RP2: variants seen among roughly 807,000 people sequenced by gnomAD.
The protein encoded by RP2 is protein XRP2.
Under a neutral mutation model 20.3 loss-of-function variants are expected in RP2, and 3 were observed. That is an observed-to-expected ratio of 0.15 (90% CI 0.07 to 0.38). The LOEUF is 0.38. Ranked by LOEUF, RP2 falls within the 10% of genes least tolerant of loss-of-function variation. RP2 has a pLI of 1.00. For synonymous variants in RP2, 75 were observed against 94.8 expected (o/e 0.79, Z 1.22); for missense variants, 233 against 268.5 (o/e 0.87, Z 0.92).
intron 3 of RP2, among the ~76,000 whole-genome samples, chrX:46,865,229 A>G (rs145989524): frequency 0.03 from 3,381 of 112,059 alleles, 53 homozygotes; most frequent in Non-Finnish European, 0.045. Context: ...CCAAGATCCC[A>G]CATTGCTTTT....
chrX:46,859,860 G>A (rs1925033766), intron 2 of RP2, 128 bp from the exon 3 acceptor site: 1 of 517,315 alleles, frequency 1.9e-6, no homozygotes, highest in South Asian at 2.8e-5. Flanking sequence ...CCCTGAATTA[G>A]ACTTATAATT....
At chrX:46,872,930 G>A (rs1282734163) in intron 3 of RP2, among the ~76,000 whole-genome samples, 1 of 110,511 alleles carries the variant, frequency 9.0e-6, no homozygotes, top group African/African-American at 3.3e-5. Context: ...GTAGAGATGG[G>A]GCTTTGCCAT....
At chrX:46,859,261 T>C (rs182360799) in intron 2 of RP2, among the ~76,000 whole-genome samples, 1 of 110,848 alleles carries the variant, frequency 9.0e-6, no homozygotes, top group East Asian at 2.8e-4. Context: ...GGCAGGAGGA[T>C]GGCTTGAGCC....
intron 1 of RP2, among the ~76,000 whole-genome samples, chrX:46,846,315 C>G (rs1375460774): frequency 2.7e-5 from 3 of 111,535 alleles, no homozygotes; most frequent in African/African-American, 9.8e-5. Flanking sequence ...ACTGCCAGGT[C>G]AGTGGCTCAC....
At chrX:46,838,408 A>G (rs1375811731) in intron 1 of RP2, among the ~76,000 whole-genome samples, 3 of 112,297 alleles carry the variant, frequency 2.7e-5, no homozygotes, top group African/African-American at 9.7e-5. Context: ...GGAAGAAAGT[A>G]CTATGCTTTC....
At chrX:46,871,140 G>A (rs12854748) in intron 3 of RP2, among the ~76,000 whole-genome samples, 2 of 102,927 alleles carry the variant, frequency 1.9e-5, no homozygotes, top group African/African-American at 7.2e-5. Flanking sequence ...TCCTGCCTCA[G>A]CCTCCCGAGT....
intron 1 of RP2, among the ~76,000 whole-genome samples, chrX:46,846,562 G>A (rs1924718348): frequency 9.1e-6 from 1 of 110,346 alleles, no homozygotes; most frequent in Non-Finnish European, 1.9e-5. Flanking sequence ...ACTCCAGTGT[G>A]GGCAACAGAG....
intron 3 of RP2, among the ~76,000 whole-genome samples, chrX:46,869,525 G>T (rs1277460973): frequency 9.7e-6 from 1 of 103,609 alleles, no homozygotes; most frequent in African/African-American, 3.6e-5. Context: ...TCGGTGATCC[G>T]CCCACCTCGG....
In RP2 at chrX:46,837,150, C is replaced by G. The variant is rs782387061; in HGVS notation, c.50C>G (p.Pro17Arg). The G allele has an allele frequency of 1.7e-6, 2 of 1,169,544 alleles. No homozygotes were observed. Among genetic ancestry groups the G allele is most frequent in the Non-Finnish European group, 2.3e-6 (2 of 874,803 alleles). ...CGGAAGGCTGACAAGGAGTCGCGGC[C>G]CGAGAACGAGGAGGAGCGGCCAAAG... ...KRRKADKESR[P>R]ENEEERPKQY... Residue 17 changes from proline (P) to arginine (R), a missense_variant, in exon 1 of 5, where the codon CCC becomes CGC. By Grantham distance (103) the Pro-to-Arg change is moderately radical. This residue lies in a region of RP2 where 77 missense variants were observed against 71.8 expected (regional missense o/e 1.07). Coordinates refer to ENST00000218340, the MANE Select transcript of RP2 (RefSeq NM_006915.3).
Position 46,880,735 on chromosome X carries a change from T to C in RP2, c.*966T>C, listed in dbSNP as rs894308035. ...AATGTTCAAGTATGATAAAATTATTTTGGTTGCTTTAAAGCACTGTTTCCC... is the reference window on the plus strand; with the variant it reads ...AATGTTCAAGTATGATAAAATTATTCTGGTTGCTTTAAAGCACTGTTTCCC... On this transcript the variant is annotated 3_prime_UTR_variant, in exon 5 of 5. Coordinates refer to ENST00000218340, the MANE Select transcript of RP2 (RefSeq NM_006915.3). 1 of 112,193 alleles carries C rather than the reference T, an allele frequency of 8.9e-6. No individual in the cohort carries two copies. The highest frequency in any genetic ancestry group is 9.5e-5 in the Admixed American group (1 of 10,512). The allele number at this position is 112,193 out of a possible 1,213,427, so 9.2% of individuals were successfully genotyped here.
At chrX:46,849,310 C>T (rs782688891) in intron 1 of RP2, among the ~76,000 whole-genome samples, 1 of 110,462 alleles carries the variant, frequency 9.1e-6, no homozygotes, top group South Asian at 3.9e-4. Flanking sequence ...CCTGCCTCAG[C>T]CTTCTGAGTA....
intron 3 of RP2, among the ~76,000 whole-genome samples, chrX:46,875,441 A>AG (rs1925360875): frequency 1.8e-5 from 2 of 110,911 alleles, no homozygotes; most frequent in Admixed American, 1.9e-4. Flanking sequence ...ATAAATAAAG[A>AG]GAAAAATAAG....
rs1556328624 is a variant in RP2, at chrX:46,880,915, G to A, written c.*1146G>A. ...GTTGTAATCTAAAGTAATTGGTTCA[G>A]GAGGTGTCAATAGGTTGAACTTGTG... On this transcript the variant is annotated 3_prime_UTR_variant, in exon 5 of 5. Transcript: ENST00000218340. 1.8e-5 allele frequency: 2 copies of A among 111,536 alleles called. No homozygotes were observed. The highest frequency in any genetic ancestry group is 3.8e-5 in the Non-Finnish European group (2 of 53,127). The allele number at this position is 111,536 out of a possible 1,213,427, so 9.2% of individuals were successfully genotyped here. A position where few individuals can be genotyped will look rare whatever the true frequency, so the allele number is the denominator to read the frequency against.
chrX:46,875,525 C>CT (rs1341134654), intron 3 of RP2, among the ~76,000 whole-genome samples: 1 of 110,981 alleles, frequency 9.0e-6, no homozygotes, highest in African/African-American at 3.3e-5. Flanking sequence ...TTTCTCTCTT[C>CT]TTTTTTTATT....
chrX:46,877,470 T>C (rs1569532407), intron 3 of RP2, 35 bp from the exon 4 acceptor site: 2 of 924,671 alleles, frequency 2.2e-6, no homozygotes, highest in Non-Finnish European at 1.6e-6. Context: ...TATTTGTATT[T>C]GTGTTAAGAA....
At position 46,854,069 on chromosome X, in the gene RP2, C is replaced by T. The variant is rs146300127; in HGVS notation, c.696C>T (p.Ser232=). 4.5e-5 allele frequency: 55 copies of T among 1,209,591 alleles called. No homozygotes were observed. The highest frequency in any genetic ancestry group is 2.4e-4 in the African/African-American group (14 of 57,207). The change falls in exon 2 of 5, where the codon AGC becomes AGT. Residue 232 remains serine (S), a synonymous_variant. Transcript: ENST00000218340. Reference sequence around the variant, plus strand: ...CCCGGGGTCAGAGACAGAAGAGCAGCGATGAATCATGCTTAGTGGTATTAT... The same window carrying T: ...CCCGGGGTCAGAGACAGAAGAGCAGTGATGAATCATGCTTAGTGGTATTAT... ...PISRGQRQKS[S]DESCLVVLFA... is the part of the protein sequence containing the mutation.
chrX:46,858,662 G>A (rs1233955567), intron 2 of RP2, among the ~76,000 whole-genome samples: 2 of 109,869 alleles, frequency 1.8e-5, no homozygotes, highest in East Asian at 5.8e-4. Flanking sequence ...TTATAAAGAT[G>A]GGGTCTTGCT....
At chrX:46,845,414 AT>A (rs1331374591) in intron 1 of RP2, among the ~76,000 whole-genome samples, 7 of 112,228 alleles carry the variant, frequency 6.2e-5, no homozygotes, top group Admixed American at 3.8e-4. Context: ...TGACTTAACA[AT>A]GTTTAAACTT....
chrX:46,865,415 A>G (rs782574136), intron 3 of RP2, among the ~76,000 whole-genome samples: 8 of 112,067 alleles, frequency 7.1e-5, no homozygotes, highest in Non-Finnish European at 1.3e-4. Flanking sequence ...GTTTTTAGGA[A>G]GAGGAAGTGC....
Sources: allele counts gnomAD v4.1 joint callset (sites outside exome capture counted in the v4.1 genomes callset), GRCh38; gene constraint gnomAD v4.1.1; regional missense constraint gnomAD v4.1.1; transcripts MANE v1.5; gene names NCBI Gene and HGNC (gene_info 2026-07-23, HGNC 2026-07-21).